RXYLT1: variants seen among roughly 807,000 people sequenced by gnomAD.
RXYLT1 encodes the protein ribitol-5-phosphate xylosyltransferase 1.
In RXYLT1, 41 loss-of-function variants were observed where a neutral mutation model predicts 43.5. That is an observed-to-expected ratio of 0.94 (90% confidence interval 0.73 to 1.22). The LOEUF is 1.22. Ranked by LOEUF, RXYLT1 falls within the 50% of genes most tolerant of loss-of-function variation. RXYLT1 has a pLI of 0.00. For missense variants in RXYLT1, 514 were observed against 532.0 expected, an observed-to-expected ratio of 0.97 and a Z score of 0.33; for synonymous variants, 166 against 194.4, an observed-to-expected ratio of 0.85 and a Z score of 1.21.
At chr12:63,805,512 A>T in intron 5 of RXYLT1, 108 bp downstream of exon 5, 2 of 1,078,688 alleles carry the variant, frequency 1.9e-6, no homozygotes, top group Non-Finnish European at 2.6e-6. Flanking sequence ...ATTTGTACCA[A>T]TCTTTCCCCA....
At chr12:63,801,082 T>A (rs1481355183) in intron 3 of RXYLT1, among the ~76,000 whole-genome samples, 1 of 152,202 alleles carries the variant, frequency 6.6e-6, no homozygotes, top group East Asian at 1.9e-4. Flanking sequence ...TGTTTTCTAG[T>A]CCCTTTCATC....
intron 3 of RXYLT1, 81 bp from the exon 4 acceptor site, chr12:63,802,010 A>G (rs1003527929): frequency 1.7e-5 from 22 of 1,295,852 alleles, no homozygotes; most frequent in Non-Finnish European, 2.3e-5. Context: ...TAGATTTTGT[A>G]TAAAATGATG....
At chr12:63,783,144 C>G (rs1206938514) in intron 2 of RXYLT1, among the ~76,000 whole-genome samples, 1 of 152,196 alleles carries the variant, frequency 6.6e-6, no homozygotes, top group Non-Finnish European at 1.5e-5. Flanking sequence ...TGATTTTCTT[C>G]TGAGCCCTCA....
intron 3 of RXYLT1, among the ~76,000 whole-genome samples, chr12:63,799,442 C>G (rs1898109941): frequency 6.6e-6 from 1 of 151,496 alleles, no homozygotes; most frequent in Non-Finnish European, 1.5e-5. Context: ...GTAGCTGCAC[C>G]ACCATGCCCA....
At chr12:63,790,615 C>A (rs1481283943) in intron 3 of RXYLT1, 1 of 152,276 alleles carries the variant, frequency 6.6e-6, no homozygotes, top group Non-Finnish European at 1.5e-5. Context: ...CTCCACCTCC[C>A]GGGTTCAAAC....
At chr12:63,780,643 A>G (rs946310469) in intron 1 of RXYLT1, among the ~76,000 whole-genome samples, 1 of 152,222 alleles carries the variant, frequency 6.6e-6, no homozygotes, top group Admixed American at 6.5e-5. Flanking sequence ...AGACTGGTGA[A>G]CACTACACTC....
intron 5 of RXYLT1, 182 bp downstream of exon 5, chr12:63,805,586 C>T: frequency 2.0e-6 from 1 of 494,862 alleles, no homozygotes; most frequent in South Asian, 6.0e-5. Flanking sequence ...ATAGAGAGAA[C>T]CGCCTATGAC....
chr12:63,793,761 T>C (rs1426362980), intron 3 of RXYLT1, among the ~76,000 whole-genome samples: 1 of 152,210 alleles, frequency 6.6e-6, no homozygotes, highest in East Asian at 1.9e-4. Flanking sequence ...ATAAATTTGA[T>C]TCACATAGGA....
intron 3 of RXYLT1, among the ~76,000 whole-genome samples, chr12:63,785,753 T>G (rs1372769283): frequency 6.6e-6 from 1 of 152,148 alleles, no homozygotes; most frequent in Non-Finnish European, 1.5e-5. Context: ...AACATTATTT[T>G]TAAATGCTTA....
rs923783845 is a variant in RXYLT1, at chr12:63,782,882, G to A, written c.325+1708G>A. ...ACATCTTTTGCAATCTTAATGGTCC[G>A]AGAATTTCCCAAATCATCAAATTCT... On this transcript the variant is annotated intron_variant, in intron 2 of 5. Coordinates refer to ENST00000261234, the MANE Select transcript of RXYLT1 (RefSeq NM_014254.3). Among the ~76,000 whole-genome samples, 16 of 152,096 alleles carry A rather than the reference G, an allele frequency of 1.1e-4. No homozygotes were observed. In the East Asian group the frequency reaches 1.3e-3, roughly 13 times the overall value.
In RXYLT1 at chr12:63,808,914, T is replaced by G; in HGVS notation, c.1154T>G (p.Phe385Cys). Residue 385 changes from phenylalanine to cysteine, a missense_variant, in exon 6 of 6, where the codon TTT becomes TGT. Transcript: ENST00000261234. The stretch of plus-strand genomic sequence containing the variant: ...AAGTCCATGGGTGCTCCCTTTATCT[T>G]TATCAAGAACTGGAAGGAACTCCCT... ...LLKSMGAPFI[F>C]IKNWKELPAV... 1 of 1,614,032 alleles carries G rather than the reference T, an allele frequency of 6.2e-7. No homozygotes were observed. Among genetic ancestry groups the G allele is most frequent in the Non-Finnish European group, 8.5e-7 (1 of 1,180,020 alleles).
chr12:63,780,385 G>T (rs1187973850), intron 1 of RXYLT1: 3 of 1,277,492 alleles, frequency 2.3e-6, no homozygotes, highest in African/African-American at 1.6e-5. Flanking sequence ...TTTCAAACAC[G>T]TGTTAAAATC....
At chr12:63,794,391 C>T (rs1489871795) in intron 3 of RXYLT1, among the ~76,000 whole-genome samples, 3 of 152,268 alleles carry the variant, frequency 2.0e-5, no homozygotes, top group Middle Eastern at 6.8e-3. Flanking sequence ...AATATCATTG[C>T]TCCCTAGCTT....
In RXYLT1 at chr12:63,808,854, C is replaced by T. The variant is rs758204536; in HGVS notation, c.1094C>T (p.Thr365Ile). ...DVMTAGNCGNTSVHHGAPLQL... is the reference protein window; with the variant it reads ...DVMTAGNCGNISVHHGAPLQL... ...ATGACAGCTGGCAACTGTGGGAATA[C>T]ATCTGTGCACCACGGTGCTCCTCTG... is the stretch of plus-strand genomic sequence containing the variant. The change falls in exon 6 of 6, where the codon ACA (threonine) becomes ATA (isoleucine). Residue 365 changes from threonine to isoleucine, a missense_variant. By Grantham distance (89) the Thr-to-Ile change is moderately conservative. Transcript: ENST00000261234. The T allele has an allele frequency of 6.2e-7, 1 of 1,614,170 alleles. No individual in the cohort carries two copies. Among genetic ancestry groups the T allele is most frequent in the South Asian group, 1.1e-5 (1 of 91,070 alleles).
rs1203583312 is a variant in RXYLT1, at chr12:63,802,390, C to G, written c.728C>G (p.Pro243Arg). ...WINDVDVFQW[P>R]LGVATYRNFP... The stretch of plus-strand genomic sequence containing the variant: ...AATGACGTGGATGTTTTTCAGTGGC[C>G]TTTAGGAGTAGCAACGTAAGTACAA... The change falls in exon 4 of 6, where the codon CCT (proline) becomes CGT (arginine). Residue 243 changes from proline to arginine, a missense_variant. By Grantham distance (103) the Pro-to-Arg change is moderately radical. Coordinates refer to ENST00000261234, the MANE Select transcript of RXYLT1 (RefSeq NM_014254.3). The G allele has an allele frequency of 1.9e-6, 3 of 1,577,286 alleles. No individual in the cohort carries two copies. Among genetic ancestry groups the G allele is most frequent in the Non-Finnish European group, 8.6e-7 (1 of 1,159,970 alleles).
chr12:63,786,255 A>G (rs576546665), intron 3 of RXYLT1, among the ~76,000 whole-genome samples: 285 of 152,318 alleles, frequency 1.9e-3, no homozygotes, highest in African/African-American at 6.6e-3. Context: ...ATACATTGTT[A>G]CTATAATAAT....
chr12:63,793,845 A>G (rs1228248685), intron 3 of RXYLT1, among the ~76,000 whole-genome samples: 2 of 152,212 alleles, frequency 1.3e-5, no homozygotes, highest in Admixed American at 1.3e-4. Flanking sequence ...ACACTGAATA[A>G]TTTTTTTAGG....
rs940315937 is a variant in RXYLT1, at chr12:63,809,503, C to T, written c.*411C>T. On this transcript the variant is annotated 3_prime_UTR_variant, in exon 6 of 6. Coordinates refer to ENST00000261234, the MANE Select transcript of RXYLT1 (RefSeq NM_014254.3). ...TGTATTTACTATACTATACTTTTTA[C>T]AATTTGTATTAGTTCTTGCATTGCT... 1 of 156,532 alleles carries T rather than the reference C, an allele frequency of 6.4e-6. No homozygotes were observed. Among genetic ancestry groups the T allele is most frequent in the African/African-American group, 2.4e-5 (1 of 41,424 alleles). The allele number at this position is 156,532 out of a possible 1,614,324, so 9.7% of individuals were successfully genotyped here.
rs536726300 is a variant in RXYLT1 at position 63,788,751 on chromosome 12, C to A, written c.428+3679C>A. 3.9e-5 allele frequency among the ~76,000 whole-genome samples: 6 copies of A among 152,330 alleles called. No individual in the cohort carries two copies. In the East Asian group the frequency reaches 1.2e-3, roughly 29 times the overall value. On this transcript the variant is annotated intron_variant, in intron 3 of 5. Transcript: ENST00000261234. ...CCATATGAGCAATAAGACTATTTCACCTTCACATCATTCATGTTGTTCACT... is the reference window on the plus strand; with the variant it reads ...CCATATGAGCAATAAGACTATTTCAACTTCACATCATTCATGTTGTTCACT...
Sources: allele counts gnomAD v4.1 joint callset (sites outside exome capture counted in the v4.1 genomes callset), GRCh38; gene constraint gnomAD v4.1.1; transcripts MANE v1.5; gene names NCBI Gene and HGNC (gene_info 2026-07-23, HGNC 2026-07-21).